Variants in AFF4 observed in about 807,000 individuals in gnomAD.
AFF4 encodes ALF transcription elongation factor 4.
AFF4 carries 13 observed loss-of-function variants against 124.8 expected under a neutral mutation model. The observed-to-expected ratio is 0.10, with a 90% CI of 0.07 to 0.17. The LOEUF is 0.17. AFF4 is among the 10% of genes least tolerant of loss of function. AFF4 has a pLI of 1.00. For synonymous variants in AFF4, 477 were observed against 496.1 expected (o/e 0.96, Z 0.51); for missense variants, 1,092 against 1,403.8 (o/e 0.78, Z 3.55).
At chr5:132,946,781 A>C in intron 1 of AFF4, among the ~76,000 whole-genome samples, 1 of 152,342 alleles carries the variant, frequency 6.6e-6, no homozygotes, top group East Asian at 1.9e-4. Context: ...TAAAATAGTA[A>C]ATTTTATATT....
chr5:132,933,254 G>A (rs11242129), intron 3 of AFF4, among the ~76,000 whole-genome samples: 17,520 of 151,970 alleles, frequency 0.12, 1,271 homozygotes, highest in South Asian at 0.2. Flanking sequence ...AAAATTAGCC[G>A]GGCATGGTGG....
intron 5 of AFF4, among the ~76,000 whole-genome samples, chr5:132,915,637 G>A (rs189244951): frequency 8.4e-5 from 12 of 143,520 alleles, no homozygotes; most frequent in Non-Finnish European, 1.7e-4. Flanking sequence ...GTACGATCTC[G>A]GATCACTGCA....
intron 1 of AFF4, among the ~76,000 whole-genome samples, chr5:132,938,408 C>T (rs1225130912): frequency 3.3e-5 from 5 of 151,714 alleles, no homozygotes; most frequent in Non-Finnish European, 1.5e-5. Context: ...GCTGGGATTA[C>T]AGGTGCATGC....
At chr5:132,901,226 G>A in intron 7 of AFF4, 2 of 891,816 alleles carry the variant, frequency 2.2e-6, no homozygotes, top group Non-Finnish European at 2.7e-6. Flanking sequence ...ATATGTCAAA[G>A]CTTTTACCAG....
Position 132,896,634 on chromosome 5 carries a change from G to T in AFF4, c.1996C>A (p.Pro666Thr), listed in dbSNP as rs774390794. 2.5e-6 allele frequency: 4 copies of T among 1,613,932 alleles called. No individual in the cohort carries two copies. Among genetic ancestry groups the T allele is most frequent in the Non-Finnish European group, 3.4e-6 (4 of 1,179,998 alleles). The change falls in exon 11 of 21, where the codon CCT (proline) becomes ACT (threonine). Residue 666 changes from proline (P) to threonine (T), a missense_variant. Pro to Thr is a conservative substitution (Grantham distance 38). This residue lies in a region of AFF4 where 174 missense variants were observed against 205.9 expected (regional missense o/e 0.84). Transcript: ENST00000265343. ...SESLPPSSQT[P>T]KYPESNRTPV... ...GTCCTATTGCTCTCGGGGTACTTAG[G>T]AGTTTGTGAGGAAGGAGGAAGGCTC...
In AFF4 at chr5:132,877,703, T is replaced by C. The variant is rs912951540; in HGVS notation, c.*3356A>G. ...TGGCCTCTAGAGCCAGAACTTTCAT[T>C]TATAACAAGTGCCTTTTGTAGGCTC... On this transcript the variant is annotated 3_prime_UTR_variant, in exon 21 of 21. Coordinates refer to ENST00000265343, the MANE Select transcript of AFF4 (RefSeq NM_014423.4). 4.7e-6 allele frequency: 1 copy of C among 211,170 alleles called. No homozygotes were observed. Among genetic ancestry groups the C allele is most frequent in the Admixed American group, 5.9e-5 (1 of 17,000 alleles). 13.1% of individuals were successfully genotyped at this position (211,170 alleles called of 1,614,324 possible).
At chr5:132,913,335 T>G (rs1347758807) in intron 5 of AFF4, among the ~76,000 whole-genome samples, 1 of 152,218 alleles carries the variant, frequency 6.6e-6, no homozygotes, top group Admixed American at 6.5e-5. Flanking sequence ...TAGTTGGAGT[T>G]AACTCTCAAT....
intron 5 of AFF4, among the ~76,000 whole-genome samples, chr5:132,917,697 TTTC>T (rs1205147264): frequency 3.0e-5 from 3 of 99,218 alleles, no homozygotes; most frequent in African/African-American, 6.6e-5. Flanking sequence ...TTCTTTTTCT[TTTC>T]TTTTCTTTTT....
At chr5:132,903,134 C>G (rs1760591283) in intron 6 of AFF4, among the ~76,000 whole-genome samples, 1 of 151,778 alleles carries the variant, frequency 6.6e-6, no homozygotes, top group South Asian at 2.1e-4. Context: ...GGAAAACAAG[C>G]TGAGAAAAAA....
At chr5:132,916,578 C>G (rs1248959762) in intron 5 of AFF4, among the ~76,000 whole-genome samples, 2 of 152,108 alleles carry the variant, frequency 1.3e-5, no homozygotes, top group Non-Finnish European at 2.9e-5. Context: ...CTTCAGCCCA[C>G]TCCAAAATCC....
At chr5:132,955,609 C>A (rs1761936233) in intron 1 of AFF4, among the ~76,000 whole-genome samples, 1 of 151,662 alleles carries the variant, frequency 6.6e-6, no homozygotes, top group African/African-American at 2.4e-5. Context: ...AAACCCCCAT[C>A]TCTACTAAAA....
intron 5 of AFF4, chr5:132,926,920 G>A (rs2150093061): frequency 6.1e-6 from 3 of 495,108 alleles, no homozygotes; most frequent in Admixed American, 3.8e-5. Flanking sequence ...AATACCTCTT[G>A]ATCCAAGATG....
chr5:132,899,753 T>A, intron 7 of AFF4, 112 bp from the exon 8 acceptor site: 1 of 902,006 alleles, frequency 1.1e-6, no homozygotes, highest in Admixed American at 2.4e-5. Flanking sequence ...GCCAAAAATT[T>A]AACCAAAAAA....
chr5:132,921,989 T>C (rs941038912), intron 5 of AFF4, among the ~76,000 whole-genome samples: 5 of 152,108 alleles, frequency 3.3e-5, no homozygotes, highest in African/African-American at 1.2e-4. Flanking sequence ...CTCATTATGT[T>C]GCCTACACTG....
At chr5:132,912,349 A>G (rs58840150) in intron 5 of AFF4, among the ~76,000 whole-genome samples, 17,505 of 151,936 alleles carry the variant, frequency 0.12, 1,277 homozygotes, top group South Asian at 0.19. Context: ...CTCAAAAAAA[A>G]GTAAAGATAA....
chr5:132,887,821 T>C (rs776883616), intron 16 of AFF4, 25 bp downstream of exon 16: 1 of 1,610,724 alleles, frequency 6.2e-7, no homozygotes, highest in South Asian at 1.1e-5. Flanking sequence ...TTATTGCCAA[T>C]GATCTGCCAA....
chr5:132,916,898 T>C (rs991432939), intron 5 of AFF4, among the ~76,000 whole-genome samples: 5 of 152,148 alleles, frequency 3.3e-5, no homozygotes, highest in African/African-American at 9.7e-5. Flanking sequence ...ATTTAACATT[T>C]AAAATTTAAC....
At chr5:132,941,332 TTTTC>T (rs1425847878) in intron 1 of AFF4, among the ~76,000 whole-genome samples, 1 of 151,592 alleles carries the variant, frequency 6.6e-6, no homozygotes, top group Non-Finnish European at 1.5e-5. Flanking sequence ...GTTTCTTTTC[TTTTC>T]TTTTTTATTT....
chr5:132,930,224 C>T (rs1375800168), intron 4 of AFF4, among the ~76,000 whole-genome samples: 1 of 151,932 alleles, frequency 6.6e-6, no homozygotes, highest in African/African-American at 2.4e-5. Flanking sequence ...AAATAGCTGT[C>T]TAAGAGATAA....
Sources: allele counts gnomAD v4.1 joint callset (sites outside exome capture counted in the v4.1 genomes callset), GRCh38; gene constraint gnomAD v4.1.1; regional missense constraint gnomAD v4.1.1; transcripts MANE v1.5; gene names NCBI Gene and HGNC (gene_info 2026-07-23, HGNC 2026-07-21).